SORCS3: variants seen among roughly 807,000 people sequenced by gnomAD.
SORCS3 encodes VPS10 domain-containing receptor SorCS3.
In SORCS3, 57 loss-of-function variants were observed where a neutral mutation model predicts 146.3. The ratio of observed to expected loss-of-function variants is 0.39; its 90% CI spans 0.31 to 0.49. The LOEUF (loss-of-function observed/expected upper bound fraction) is 0.49. Ranked by LOEUF, SORCS3 falls within the 20% of genes least tolerant of loss-of-function variation. SORCS3 has a pLI of 0.92. For missense variants in SORCS3, 1,341 were observed against 1,575.5 expected (o/e 0.85, Z 2.52); for synonymous variants, 653 against 618.5 (o/e 1.06, Z -0.83).
chr10:104,967,063 A>T (rs2054829936), intron 3 of SORCS3, among the ~76,000 whole-genome samples: 1 of 151,884 alleles, frequency 6.6e-6, no homozygotes, highest in Non-Finnish European at 1.5e-5. Context: ...GTGAATGGCT[A>T]AATCACAGGA....
At chr10:104,828,334 G>A (rs540378275) in intron 1 of SORCS3, among the ~76,000 whole-genome samples, 162 of 152,248 alleles carry the variant, frequency 1.1e-3, no homozygotes, top group African/African-American at 3.8e-3. Context: ...CAGTATTGTT[G>A]TGTCTCAGAG....
At chr10:104,882,326 A>G (rs1003701785) in intron 2 of SORCS3, among the ~76,000 whole-genome samples, 1 of 152,182 alleles carries the variant, frequency 6.6e-6, no homozygotes, top group African/African-American at 2.4e-5. Context: ...AGCATGATCA[A>G]AAGTGTGACT....
chr10:105,035,829 T>C (rs1433561488), intron 4 of SORCS3, among the ~76,000 whole-genome samples: 3 of 152,220 alleles, frequency 2.0e-5, no homozygotes, highest in Admixed American at 6.5e-5. Flanking sequence ...TTTGGTGCTA[T>C]AATATTGCCT....
intron 14 of SORCS3, among the ~76,000 whole-genome samples, chr10:105,178,824 C>T (rs1024510484): frequency 2.6e-5 from 4 of 152,144 alleles, no homozygotes; most frequent in African/African-American, 9.7e-5. Flanking sequence ...GGCTGGAGAA[C>T]CTTACACCTC....
chr10:105,202,817 T>C (rs73352811), intron 16 of SORCS3, among the ~76,000 whole-genome samples: 6,289 of 152,260 alleles, frequency 0.041, 470 homozygotes, highest in African/African-American at 0.14. Flanking sequence ...ATTCTTCCCC[T>C]GCATCACAAT....
At chr10:104,731,523 C>T (rs1436472368) in intron 1 of SORCS3, among the ~76,000 whole-genome samples, 1 of 152,168 alleles carries the variant, frequency 6.6e-6, no homozygotes, top group Non-Finnish European at 1.5e-5. Context: ...CTGACATTCC[C>T]CTTCAACTTT....
At chr10:104,813,067 C>T (rs146896887) in intron 1 of SORCS3, among the ~76,000 whole-genome samples, 1 of 152,312 alleles carries the variant, frequency 6.6e-6, no homozygotes, top group Non-Finnish European at 1.5e-5. Flanking sequence ...GGGCCCTGGC[C>T]TGCTTCACCA....
At position 105,167,371 on chromosome 10, in the gene SORCS3, A is replaced by G. The variant is rs1289347226; in HGVS notation, c.1901+22A>G. 2.5e-6 allele frequency: 4 copies of G among 1,580,670 alleles called. No individual in the cohort carries two copies. In the Admixed American group the frequency reaches 5.1e-5, roughly 20 times the overall value. ...TGTGGTAAGGAGAGCTCCCTACCCTATTAATGAGCTAATGAGCAGCTTTTT... is the reference window on the plus strand; with the variant it reads ...TGTGGTAAGGAGAGCTCCCTACCCTGTTAATGAGCTAATGAGCAGCTTTTT... On this transcript the variant is annotated intron_variant, in intron 13 of 26. Transcript: ENST00000369701.
At chr10:105,143,459 T>C (rs2056109211) in intron 8 of SORCS3, among the ~76,000 whole-genome samples, 1 of 152,162 alleles carries the variant, frequency 6.6e-6, no homozygotes, top group South Asian at 2.1e-4. Flanking sequence ...TAGATCCTCT[T>C]AAAGATATCC....
At chr10:104,950,486 G>C (rs1205470491) in intron 3 of SORCS3, among the ~76,000 whole-genome samples, 3 of 152,144 alleles carry the variant, frequency 2.0e-5, no homozygotes, top group Non-Finnish European at 2.9e-5. Flanking sequence ...GTGTAAATAA[G>C]ATTTCTTAGT....
chr10:104,947,342 A>G (rs907582418), intron 3 of SORCS3, among the ~76,000 whole-genome samples: 2 of 152,152 alleles, frequency 1.3e-5, no homozygotes, highest in African/African-American at 4.8e-5. Context: ...GGTATCAGAA[A>G]GAAGGGCTGA....
chr10:104,803,863 A>G (rs1205319814), intron 1 of SORCS3, among the ~76,000 whole-genome samples: 2 of 152,028 alleles, frequency 1.3e-5, no homozygotes, highest in African/African-American at 4.8e-5. Flanking sequence ...TCCAGGGCCC[A>G]AGGTTTCCTT....
chr10:104,728,457 G>T (rs190680455), intron 1 of SORCS3, among the ~76,000 whole-genome samples: 4 of 152,252 alleles, frequency 2.6e-5, no homozygotes, highest in Non-Finnish European at 4.4e-5. Flanking sequence ...CTGGATTCTG[G>T]GAGTTTGTGT....
chr10:105,100,736 T>G (rs2055778333), intron 6 of SORCS3, among the ~76,000 whole-genome samples: 1 of 152,240 alleles, frequency 6.6e-6, no homozygotes, highest in Non-Finnish European at 1.5e-5. Flanking sequence ...CACAACAAAA[T>G]AGGACATTTA....
intron 1 of SORCS3, among the ~76,000 whole-genome samples, chr10:104,690,010 T>C (rs1483673837): frequency 1.3e-5 from 2 of 152,218 alleles, no homozygotes; most frequent in Non-Finnish European, 2.9e-5. Flanking sequence ...TTCTTCAGTT[T>C]GGTTGCTGTC....
intron 7 of SORCS3, among the ~76,000 whole-genome samples, chr10:105,136,308 GA>G (rs1315201287): frequency 2.0e-5 from 3 of 152,064 alleles, no homozygotes; most frequent in African/African-American, 7.2e-5. Flanking sequence ...TGATGAAAGG[GA>G]AAAAAGAGGG....
At chr10:105,092,645 A>G (rs989549304) in intron 6 of SORCS3, among the ~76,000 whole-genome samples, 15 of 150,644 alleles carry the variant, frequency 1.0e-4, no homozygotes, top group Admixed American at 6.6e-5. Context: ...ACACATCTCT[A>G]CCATCATTTG....
In SORCS3 at chr10:105,236,921, T is replaced by A. The variant is rs1489506205; in HGVS notation, c.2869-8621T>A. On this transcript the variant is annotated intron_variant, in intron 20 of 26. Transcript: ENST00000369701. ...ATCTCTCTGTCTCTCCACTTCTCTA[T>A]CAAGCAATCAATCTATCTATCTATC... 5.3e-5 allele frequency among the ~76,000 whole-genome samples: 8 copies of A among 152,158 alleles called. No homozygotes were observed. In the East Asian group the frequency reaches 1.5e-3, roughly 29 times the overall value.
intron 1 of SORCS3, among the ~76,000 whole-genome samples, chr10:104,672,212 T>A (rs1160898496): frequency 6.6e-6 from 1 of 152,188 alleles, no homozygotes; most frequent in African/African-American, 2.4e-5. Context: ...TTTGTGTTTC[T>A]AGGAATTTGT....
Sources: gnomAD v4.1 joint callset for allele counts (sites outside exome capture counted in the v4.1 genomes callset) on GRCh38, gnomAD v4.1.1 for gene constraint, MANE v1.5 for transcripts, NCBI Gene and HGNC (gene_info 2026-07-23, HGNC 2026-07-21) for gene names.